The following GABRA1 variants were observed in gnomAD, a reference collection of about 807,000 sequenced individuals.
GABRA1 encodes the protein gamma-aminobutyric acid type A receptor subunit alpha1.
A neutral mutation model predicts 48.9 loss-of-function variants in GABRA1; 9 were observed. That is an observed-to-expected ratio of 0.18 (90% CI 0.11 to 0.32). The LOEUF (loss-of-function observed/expected upper bound fraction) is 0.32, where lower values mean the gene tolerates loss of function less well. GABRA1 is among the 10% of genes least tolerant of loss of function. The pLI, the probability that GABRA1 is intolerant of heterozygous loss-of-function variation, is 1.00. For synonymous variants in GABRA1, 210 were observed against 198.7 expected (o/e 1.06, Z -0.48); for missense variants, 285 against 553.8 (o/e 0.51, Z 4.87).
At chr5:161,875,881 C>G (rs1412047380) in intron 6 of GABRA1, among the ~76,000 whole-genome samples, 1 of 152,070 alleles carries the variant, frequency 6.6e-6, no homozygotes, top group Non-Finnish European at 1.5e-5. Flanking sequence ...TGAAATAATT[C>G]TATTTATGCT....
chr5:161,847,280 T>A (rs555931218), upstream of GABRA1: 16 of 152,278 alleles, frequency 1.1e-4, no homozygotes, highest in Non-Finnish European at 8.8e-5. Flanking sequence ...CCCATTTTCC[T>A]AATCCGAGAA....
At chr5:161,847,618 C>T (rs530300330), upstream of GABRA1, 1 of 152,326 alleles carries the variant, frequency 6.6e-6, no homozygotes, top group Admixed American at 6.5e-5. Context: ...TACCATCCGT[C>T]ACCATTCGTG....
At chr5:161,870,631 CAGAAAGAA>C (rs151163857) in intron 4 of GABRA1, among the ~76,000 whole-genome samples, 1,567 of 147,780 alleles carry the variant, frequency 0.011, 28 homozygotes, top group African/African-American at 0.037. Context: ...GACAGACAGA[CAGAAAGAA>C]AGAAAGAAAG....
chr5:161,882,519 G>A, intron 6 of GABRA1, 39 bp from the exon 7 acceptor site: 2 of 1,587,760 alleles, frequency 1.3e-6, no homozygotes, highest in Non-Finnish European at 1.7e-6. Flanking sequence ...GAATTGAAGT[G>A]GTAAAATATA....
intron 3 of GABRA1, among the ~76,000 whole-genome samples, chr5:161,854,746 G>A (rs535056077): frequency 6.6e-6 from 1 of 151,758 alleles, no homozygotes; most frequent in Admixed American, 6.6e-5. Context: ...GAATGAGATA[G>A]ATGGTAGTGT....
At chr5:161,849,041 G>A (rs868595489) in intron 1 of GABRA1, 2 of 451,230 alleles carry the variant, frequency 4.4e-6, no homozygotes, top group Non-Finnish European at 8.9e-6. Flanking sequence ...GGATGGTAAC[G>A]TTTGGAGCGT....
intron 3 of GABRA1, among the ~76,000 whole-genome samples, chr5:161,863,713 T>G (rs1165429802): frequency 6.6e-6 from 1 of 152,014 alleles, no homozygotes; most frequent in African/African-American, 2.4e-5. Context: ...TTACTTGTTT[T>G]CATGTCTTTC....
At chr5:161,860,073 A>G (rs1291118573) in intron 3 of GABRA1, among the ~76,000 whole-genome samples, 2 of 151,992 alleles carry the variant, frequency 1.3e-5, no homozygotes, top group East Asian at 3.9e-4. Flanking sequence ...TCATAATTCA[A>G]CAAATTATAG....
chr5:161,885,473 G>A lies in GABRA1; in HGVS notation c.703+2772G>A, dbSNP rs77662355. Among the ~76,000 whole-genome samples, 2,328 of 152,274 alleles carry A rather than the reference G, an allele frequency of 0.015. 122 individuals carry two copies. The East Asian group carries it at 0.2, about 13-fold the overall frequency. On this transcript the variant is annotated intron_variant, in intron 7 of 9. Coordinates refer to ENST00000393943, the MANE Select transcript of GABRA1 (RefSeq NM_001127644.2). Reference sequence around the variant, plus strand: ...TCTACTTTAAAATTCTCCCTGGAGAGAGAATCATTCAATCCCCTTGGTAGT... The same window carrying A: ...TCTACTTTAAAATTCTCCCTGGAGAAAGAATCATTCAATCCCCTTGGTAGT...
chr5:161,891,768 A>G (rs1755100762), intron 8 of GABRA1, among the ~76,000 whole-genome samples: 1 of 152,230 alleles, frequency 6.6e-6, no homozygotes, highest in African/African-American at 2.4e-5. Flanking sequence ...ATAAAAATGA[A>G]AGATTCCAAT....
chr5:161,853,305 T>TA lies in GABRA1; in HGVS notation c.75-853_75-852insA, dbSNP rs1221561540. On this transcript the variant is annotated intron_variant, in intron 2 of 9. Transcript: ENST00000393943. The stretch of plus-strand genomic sequence containing the variant: ...AATGGTAAGGGACACAGGCTACATC[T>TA]CCAACTAGCAACGTTTAAATATAAA... Among the ~76,000 whole-genome samples the TA allele has an allele frequency of 2.0e-5, 3 of 151,916 alleles. No individual in the cohort carries two copies. In the East Asian group the frequency reaches 5.8e-4, roughly 29 times the overall value.
chr5:161,891,117 A>G (rs980790), intron 8 of GABRA1, 67 bp downstream of exon 8: 52,687 of 1,447,060 alleles, frequency 0.036, 1,109 homozygotes, highest in South Asian at 0.052. Flanking sequence ...TATCTGTGAC[A>G]CTGCAAAGAG....
chr5:161,883,252 A>AG, intron 7 of GABRA1, among the ~76,000 whole-genome samples: 1 of 152,284 alleles, frequency 6.6e-6, no homozygotes, highest in East Asian at 1.9e-4. Context: ...TCTCTAACCA[A>AG]GCATCTTCCG....
intron 8 of GABRA1, 56 bp downstream of exon 8, chr5:161,891,106 A>C: frequency 6.7e-7 from 1 of 1,503,172 alleles, no homozygotes; most frequent in Non-Finnish European, 9.3e-7. Context: ...AAGTTATGTC[A>C]TATCTGTGAC....
chr5:161,899,140 A>T lies in GABRA1; in HGVS notation c.*1718A>T, dbSNP rs1755505425. The T allele has an allele frequency of 2.0e-5, 3 of 152,582 alleles. No homozygotes were observed. 9.5% of individuals were successfully genotyped at this position (152,582 alleles called of 1,614,324 possible). A position where few individuals can be genotyped will look rare whatever the true frequency, so the allele number is the denominator to read the frequency against. ...ACACACTTAGAATACTACAGCATAAATCTGTTAGCATTATTGCCAAATAAG... is the reference window on the plus strand; with the variant it reads ...ACACACTTAGAATACTACAGCATAATTCTGTTAGCATTATTGCCAAATAAG... On this transcript the variant is annotated 3_prime_UTR_variant, in exon 10 of 10. Coordinates refer to ENST00000393943, the MANE Select transcript of GABRA1 (RefSeq NM_001127644.2).
At chr5:161,863,157 G>A (rs1359207297) in intron 3 of GABRA1, among the ~76,000 whole-genome samples, 1 of 150,368 alleles carries the variant, frequency 6.7e-6, no homozygotes. Context: ...TAGTATTTGT[G>A]TATATATATA....
At chr5:161,860,706 T>C (rs962639394) in intron 3 of GABRA1, among the ~76,000 whole-genome samples, 2 of 150,868 alleles carry the variant, frequency 1.3e-5, no homozygotes, top group East Asian at 3.9e-4. Flanking sequence ...TATGATGTGA[T>C]TATGATGCAT....
intron 4 of GABRA1, among the ~76,000 whole-genome samples, chr5:161,871,186 A>C (rs890576399): frequency 1.3e-5 from 2 of 152,134 alleles, no homozygotes; most frequent in Non-Finnish European, 2.9e-5. Flanking sequence ...TAATACATCT[A>C]GTTTCAGTTT....
intron 4 of GABRA1, among the ~76,000 whole-genome samples, chr5:161,866,453 G>A (rs907332662): frequency 1.8e-4 from 27 of 151,992 alleles, no homozygotes; most frequent in African/African-American, 5.6e-4. Context: ...AACAGCCAAG[G>A]TTCTATATAA....
Sources: gnomAD v4.1 joint callset for allele counts (sites outside exome capture counted in the v4.1 genomes callset) on GRCh38, gnomAD v4.1.1 for gene constraint, MANE v1.5 for transcripts, NCBI Gene and HGNC (gene_info 2026-07-23, HGNC 2026-07-21) for gene names.